CACNA1B: variants seen among roughly 807,000 people sequenced by gnomAD.
CACNA1B encodes the protein calcium voltage-gated channel subunit alpha1 B, also known as voltage-dependent N-type calcium channel subunit alpha-1B.
Under a neutral mutation model 247.2 loss-of-function variants are expected in CACNA1B, and 70 were observed. The ratio of observed to expected loss-of-function variants is 0.28; its 90% confidence interval spans 0.23 to 0.35. CACNA1B has a LOEUF of 0.35. CACNA1B is among the 10% of genes least tolerant of loss of function. The probability of loss-of-function intolerance (pLI) is 1.00; values close to 1 mark genes in which losing one functional copy is unlikely to be tolerated. For missense variants in CACNA1B, 2,367 were observed against 3,197.4 expected (o/e 0.74, Z 6.26); for synonymous variants, 1,231 against 1,294.4 (o/e 0.95, Z 1.05).
chr9:138,004,320 G>T lies in CACNA1B; in HGVS notation c.1975-2447G>T, dbSNP rs115273160. Among the ~76,000 whole-genome samples the T allele has an allele frequency of 5.1e-3, 779 of 152,106 alleles. 5 individuals are homozygous for T. The highest frequency in any genetic ancestry group is 0.017 in the African/African-American group (702 of 41,522). On this transcript the variant is annotated intron_variant, in intron 15 of 46. Transcript: ENST00000371372. Reference sequence around the variant, plus strand: ...TCAGCACTGCAGGAGGCTGAGGGGGGGCTGATTGCTTGAGCCCAGGGGTTC... The same window carrying T: ...TCAGCACTGCAGGAGGCTGAGGGGGTGCTGATTGCTTGAGCCCAGGGGTTC...
chr9:137,992,784 G>A (rs1242531194), intron 15 of CACNA1B, among the ~76,000 whole-genome samples: 8 of 143,252 alleles, frequency 5.6e-5, no homozygotes, highest in South Asian at 2.2e-4. Flanking sequence ...GCGACAGAGC[G>A]AGACTCCGTC....
intron 36 of CACNA1B, among the ~76,000 whole-genome samples, chr9:138,085,016 G>T (rs1039122344): frequency 1.3e-5 from 2 of 148,408 alleles, no homozygotes; most frequent in Admixed American, 1.3e-4. Context: ...TTTAGTAGTA[G>T]ACCCTAGTAA....
In CACNA1B at chr9:138,023,335, G is replaced by A; in HGVS notation, c.2592G>A (p.Gly864=). ...HRDKDKTPAA[G]DQDRAEAPKA... is the part of the protein sequence containing the mutation. ...ACAAGGACAAGACCCCCGCGGCGGGGGACCAGGACCGAGCAGAGGCCCCGA... is the reference window on the plus strand; with the variant it reads ...ACAAGGACAAGACCCCCGCGGCGGGAGACCAGGACCGAGCAGAGGCCCCGA... Residue 864 remains glycine, a synonymous_variant, in exon 19 of 47, where the codon GGG becomes GGA. Transcript: ENST00000371372. 2 of 1,487,268 alleles carry A rather than the reference G, an allele frequency of 1.3e-6. No individual in the cohort carries two copies. The highest frequency in any genetic ancestry group is 1.3e-5 in the South Asian group (1 of 78,600). The allele number at this position is 1,487,268 out of a possible 1,614,324, so 92.1% of individuals were successfully genotyped here.
chr9:137,921,643 T>C (rs116261141), intron 6 of CACNA1B, among the ~76,000 whole-genome samples: 1,476 of 139,354 alleles, frequency 0.011, 33 homozygotes, highest in African/African-American at 0.04. Flanking sequence ...GAGAACCTGA[T>C]CAGCACCACG....
At chr9:138,038,429 C>G (rs948646145) in intron 20 of CACNA1B, among the ~76,000 whole-genome samples, 2 of 152,218 alleles carry the variant, frequency 1.3e-5, no homozygotes, top group African/African-American at 4.8e-5. Flanking sequence ...TTCCACCCCC[C>G]CACCCCTGTA....
chr9:137,903,631 G>A (rs1234798510), intron 3 of CACNA1B, among the ~76,000 whole-genome samples: 19 of 152,060 alleles, frequency 1.2e-4, no homozygotes, highest in Admixed American at 1.2e-3. Context: ...TAACCCCGCT[G>A]GGATTTTGAT....
intron 3 of CACNA1B, among the ~76,000 whole-genome samples, chr9:137,892,723 G>A (rs535815025): frequency 1.2e-4 from 18 of 152,332 alleles, no homozygotes; most frequent in African/African-American, 3.1e-4. Context: ...TCTGCCTGCC[G>A]GTCCCACCCC....
chr9:138,110,999 G>A (rs1388426200), intron 39 of CACNA1B, among the ~76,000 whole-genome samples: 1 of 151,430 alleles, frequency 6.6e-6, no homozygotes, highest in East Asian at 1.9e-4. Flanking sequence ...AAACCACAAC[G>A]AGATTACACT....
At chr9:137,989,915 G>A (rs1958412445) in intron 15 of CACNA1B, among the ~76,000 whole-genome samples, 1 of 152,202 alleles carries the variant, frequency 6.6e-6, no homozygotes, top group South Asian at 2.1e-4. Context: ...GAATAATTAG[G>A]TCAGAATCGG....
At chr9:137,995,215 A>G (rs75761749) in intron 15 of CACNA1B, among the ~76,000 whole-genome samples, 1 of 148,374 alleles carries the variant, frequency 6.7e-6, no homozygotes, top group African/African-American at 2.4e-5. Flanking sequence ...TCCGTCTCAA[A>G]AAAAAAAAAA....
chr9:137,975,051 C>G (rs1165579945), intron 11 of CACNA1B, among the ~76,000 whole-genome samples: 1 of 152,184 alleles, frequency 6.6e-6, no homozygotes, highest in East Asian at 1.9e-4. Context: ...GTGGCCTCAC[C>G]CAGCTCTGGA....
chr9:138,085,633 G>A (rs1202290305), intron 36 of CACNA1B, among the ~76,000 whole-genome samples: 1 of 151,144 alleles, frequency 6.6e-6, no homozygotes, highest in Non-Finnish European at 1.5e-5. Flanking sequence ...AAAACAGCAA[G>A]AGAAAAGCAT....
chr9:137,906,208 A>G (rs969388229), intron 3 of CACNA1B, among the ~76,000 whole-genome samples: 32 of 152,238 alleles, frequency 2.1e-4, no homozygotes, highest in Non-Finnish European at 2.9e-5. Flanking sequence ...AGAGGATTAT[A>G]GCAACTCCTC....
At chr9:137,985,054 T>C (rs896127324) in intron 13 of CACNA1B, among the ~76,000 whole-genome samples, 1 of 152,148 alleles carries the variant, frequency 6.6e-6, no homozygotes, top group African/African-American at 2.4e-5. Flanking sequence ...CTTTGGTGTG[T>C]GTCCTTGGCA....
Position 137,950,872 on chromosome 9 carries a change from C to T in CACNA1B, c.967-1402C>T, listed in dbSNP as rs56199530. Reference sequence around the variant, plus strand: ...ATAATTTTCAGTATGTTAATTCCACCTAGTGGGAACAATATGGCAGAGTAT... The same window carrying T: ...ATAATTTTCAGTATGTTAATTCCACTTAGTGGGAACAATATGGCAGAGTAT... On this transcript the variant is annotated intron_variant, in intron 6 of 46. Transcript: ENST00000371372. The surrounding 1 kb of genome is among the most constrained non-coding windows in gnomAD (Gnocchi z 4.8). Among the ~76,000 whole-genome samples, 56,364 of 152,100 alleles carry T rather than the reference C, an allele frequency of 0.37. 14,730 individuals carry two copies. The highest frequency in any genetic ancestry group is 0.73 in the African/African-American group (30,206 of 41,478).
intron 31 of CACNA1B, among the ~76,000 whole-genome samples, chr9:138,064,759 G>T (rs1339556415): frequency 1.3e-5 from 2 of 152,236 alleles, no homozygotes; most frequent in African/African-American, 4.8e-5. Flanking sequence ...TCATGTGATT[G>T]TGTGCTGCCA....
chr9:138,041,904 G>T (rs1356912514), intron 20 of CACNA1B, among the ~76,000 whole-genome samples: 4 of 151,968 alleles, frequency 2.6e-5, no homozygotes, highest in Non-Finnish European at 5.9e-5. Context: ...GTATGCACGC[G>T]CCAACACACC....
intron 36 of CACNA1B, 82 bp downstream of exon 36, chr9:138,078,340 C>T (rs2131319973): frequency 7.3e-7 from 1 of 1,375,846 alleles, no homozygotes; most frequent in Non-Finnish European, 1.0e-6. Context: ...TCCTGCTGAT[C>T]CCTGACTCTG....
chr9:138,049,175 T>G, intron 23 of CACNA1B, 34 bp from the exon 24 acceptor site: 1 of 1,377,124 alleles, frequency 7.3e-7, no homozygotes, highest in Non-Finnish European at 1.0e-6. Context: ...TTTTCTGGAC[T>G]ATGACGTATC....
Sources: allele counts gnomAD v4.1 joint callset (sites outside exome capture counted in the v4.1 genomes callset), GRCh38; gene constraint gnomAD v4.1.1; non-coding constraint Gnocchi (gnomAD v3.1); transcripts MANE v1.5; gene names NCBI Gene and HGNC (gene_info 2026-07-23, HGNC 2026-07-21).